The following ATP9B variants were observed in gnomAD, a reference collection of about 807,000 sequenced individuals.
ATP9B encodes ATPase phospholipid transporting 9B, also known as probable phospholipid-transporting ATPase IIB.
ATP9B carries 110 observed loss-of-function variants against 146.1 expected under a neutral mutation model. That is an observed-to-expected ratio of 0.75 (90% CI 0.65 to 0.88). The LOEUF is 0.88. ATP9B is among the 40% of genes least tolerant of loss of function. ATP9B has a pLI of 0.00. For synonymous variants in ATP9B, 604 were observed against 569.7 expected (o/e 1.06, Z -0.86); for missense variants, 1,499 against 1,496.4 (o/e 1.00, Z -0.03).
chr18:79,207,975 G>T (rs1263870177), intron 10 of ATP9B, among the ~76,000 whole-genome samples: 1 of 152,256 alleles, frequency 6.6e-6, no homozygotes, highest in Non-Finnish European at 1.5e-5. Context: ...GCCGGGCGCG[G>T]GGGCTCACGC....
In ATP9B at chr18:79,288,060, G is replaced by T. The variant is rs1018582389; in HGVS notation, c.1411+10864G>T. On this transcript the variant is annotated intron_variant, in intron 13 of 29. Coordinates refer to ENST00000426216, the MANE Select transcript of ATP9B (RefSeq NM_198531.5). ...AACTATGTGGTCAATTTTGGAATAG[G>T]TGTGGTGTGGTGCTGAAAAATATGT... Among the ~76,000 whole-genome samples the T allele has an allele frequency of 9.3e-4, 141 of 151,982 alleles. 1 individual carries two copies. In the South Asian group the frequency reaches 0.019, roughly 20 times the overall value.
intron 13 of ATP9B, among the ~76,000 whole-genome samples, chr18:79,285,847 T>C (rs1290524524): frequency 6.6e-6 from 1 of 152,098 alleles, no homozygotes; most frequent in Non-Finnish European, 1.5e-5. Flanking sequence ...GCTAGCCAGT[T>C]TTCCCAGCAC....
chr18:79,086,442 A>AAAAAAAT (rs2073838956), intron 1 of ATP9B: 1 of 150,538 alleles, frequency 6.6e-6, no homozygotes, highest in Non-Finnish European at 1.5e-5. Flanking sequence ...TCTCAAAAAA[A>AAAAAAAT]AAAAAAAAAA....
intron 7 of ATP9B, among the ~76,000 whole-genome samples, chr18:79,163,488 C>T (rs1312488980): frequency 2.6e-5 from 4 of 152,054 alleles, no homozygotes; most frequent in African/African-American, 9.7e-5. Flanking sequence ...TGACATCTCA[C>T]AGATGTGTCA....
chr18:79,275,728 GTGT>G lies in ATP9B; in HGVS notation c.1269-1325_1269-1323del, dbSNP rs1287650764. 2.0e-5 allele frequency among the ~76,000 whole-genome samples: 3 copies of G among 152,242 alleles called. No individual in the cohort carries two copies. The East Asian group carries it at 5.8e-4, about 29-fold the overall frequency. ...AAGTGGCTGCTGTGTCCGGCCTTGA[GTGT>G]CATCTTGCAGGGGAGCTTTGAGTCA... On this transcript the variant is annotated intron_variant, in intron 12 of 29. Coordinates refer to ENST00000426216, the MANE Select transcript of ATP9B (RefSeq NM_198531.5).
chr18:79,376,775 C>T (rs2097105750), intron 29 of ATP9B, among the ~76,000 whole-genome samples: 1 of 150,352 alleles, frequency 6.7e-6, no homozygotes. Flanking sequence ...GCTCACTGCA[C>T]CCTCCACCTC....
chr18:79,129,702 A>C (rs138847580), intron 5 of ATP9B, among the ~76,000 whole-genome samples: 2 of 152,272 alleles, frequency 1.3e-5, no homozygotes, highest in East Asian at 3.9e-4. Context: ...AGAAATAGCT[A>C]ATTTCCAGAA....
intron 13 of ATP9B, among the ~76,000 whole-genome samples, chr18:79,290,562 C>T (rs963762021): frequency 1.3e-5 from 2 of 151,846 alleles, no homozygotes; most frequent in African/African-American, 4.9e-5. Flanking sequence ...GACCCTTGCT[C>T]TTCCCGAGTG....
intron 26 of ATP9B, chr18:79,364,389 CA>C (rs1385187891): frequency 6.6e-6 from 1 of 151,914 alleles, no homozygotes; most frequent in Non-Finnish European, 1.5e-5. Context: ...AAAGGATAGA[CA>C]AAAAGATCGG....
intron 7 of ATP9B, among the ~76,000 whole-genome samples, chr18:79,168,675 G>A (rs901726373): frequency 1.8e-4 from 28 of 152,036 alleles, no homozygotes; most frequent in Admixed American, 1.6e-3. Flanking sequence ...TCCCCTTTTT[G>A]GGGGAGAAAG....
intron 8 of ATP9B, among the ~76,000 whole-genome samples, chr18:79,189,607 A>G (rs1290884928): frequency 6.6e-6 from 1 of 152,246 alleles, no homozygotes; most frequent in African/African-American, 2.4e-5. Context: ...ACAATAAGGT[A>G]AGCTAGAGAA....
intron 19 of ATP9B, 31 bp from the exon 20 acceptor site, chr18:79,342,237 T>C: frequency 6.5e-7 from 1 of 1,535,284 alleles, no homozygotes; most frequent in East Asian, 2.3e-5. Flanking sequence ...CCTTGTCTTG[T>C]TGAAATTCAC....
intron 11 of ATP9B, among the ~76,000 whole-genome samples, chr18:79,223,991 T>G (rs2095705170): frequency 6.6e-6 from 1 of 152,188 alleles, no homozygotes; most frequent in Admixed American, 6.5e-5. Flanking sequence ...ATTATTGTAA[T>G]TGATTTCTAT....
In ATP9B at chr18:79,346,731, G is replaced by A. The variant is rs117903349; in HGVS notation, c.2682+892G>A. On this transcript the variant is annotated intron_variant, in intron 23 of 29. Coordinates refer to ENST00000426216, the MANE Select transcript of ATP9B (RefSeq NM_198531.5). Reference sequence around the variant, plus strand: ...TCAGCACGTGCTCAGTGCATGCCTGGTCATTTTACACTCAGCACATACTCA... The same window carrying A: ...TCAGCACGTGCTCAGTGCATGCCTGATCATTTTACACTCAGCACATACTCA... Among the ~76,000 whole-genome samples the A allele has an allele frequency of 3.1e-3, 476 of 152,312 alleles. 1 individual carries two copies. Among genetic ancestry groups the A allele is most frequent in the Middle Eastern group, 0.01 (3 of 294 alleles).
At chr18:79,376,826 C>G (rs112235375) in intron 29 of ATP9B, among the ~76,000 whole-genome samples, 2 of 151,860 alleles carry the variant, frequency 1.3e-5, no homozygotes, top group African/African-American at 4.8e-5. Flanking sequence ...TCCCCGGTAG[C>G]TGGGATTACA....
chr18:79,340,605 A>C (rs2096852997), intron 19 of ATP9B: 1 of 152,232 alleles, frequency 6.6e-6, no homozygotes, highest in Non-Finnish European at 1.5e-5. Flanking sequence ...GATACATAAG[A>C]AATCTGAGAA....
intron 19 of ATP9B, 110 bp downstream of exon 19, chr18:79,337,559 A>G: frequency 7.1e-7 from 1 of 1,417,126 alleles, no homozygotes; most frequent in Non-Finnish European, 9.3e-7. Flanking sequence ...GATGTGAGAG[A>G]GCTCTGTAAG....
intron 13 of ATP9B, among the ~76,000 whole-genome samples, chr18:79,300,859 A>C (rs115791838): frequency 6.6e-6 from 1 of 152,230 alleles, no homozygotes; most frequent in Non-Finnish European, 1.5e-5. Flanking sequence ...GAAATTGTTC[A>C]TAATAAAAAA....
chr18:79,099,683 C>G (rs146972192), intron 2 of ATP9B, among the ~76,000 whole-genome samples: 10,534 of 152,060 alleles, frequency 0.069, 1,273 homozygotes, highest in African/African-American at 0.24. Context: ...CCAGGCTGGT[C>G]TTGAACTCCT....
Sources: allele counts gnomAD v4.1 joint callset (sites outside exome capture counted in the v4.1 genomes callset), GRCh38; gene constraint gnomAD v4.1.1; transcripts MANE v1.5; gene names NCBI Gene and HGNC (gene_info 2026-07-23, HGNC 2026-07-21).